The following ADCY2 variants were observed in gnomAD, a reference collection of about 807,000 sequenced individuals.
ADCY2 encodes adenylate cyclase type 2.
Under a neutral mutation model 125.2 loss-of-function variants are expected in ADCY2, and 31 were observed. That is an observed-to-expected ratio of 0.25 (90% CI 0.19 to 0.33). The LOEUF is 0.33. Ranked by LOEUF, ADCY2 falls within the 10% of genes least tolerant of loss-of-function variation. The pLI, the probability that ADCY2 is intolerant of heterozygous loss-of-function variation, is 1.00. For missense variants in ADCY2, 904 were observed against 1,418.2 expected, an observed-to-expected ratio of 0.64 and a Z score of 5.82; for synonymous variants, 512 against 548.4, an observed-to-expected ratio of 0.93 and a Z score of 0.93.
At chr5:7,441,481 T>C (rs1741012839) in intron 2 of ADCY2, among the ~76,000 whole-genome samples, 1 of 151,984 alleles carries the variant, frequency 6.6e-6, no homozygotes, top group Admixed American at 6.6e-5. Context: ...TTTCTTGACT[T>C]GATGACTAGG....
At position 7,706,830 on chromosome 5, in the gene ADCY2, A is replaced by G; in HGVS notation, c.1196A>G (p.Gln399Arg). Reference sequence around the variant, plus strand: ...GTCCTGTGTGGCGTGATTGGTCTGCAGAAGTGGCAATATGATGTGTGGTCA... The same window carrying G: ...GTCCTGTGTGGCGTGATTGGTCTGCGGAAGTGGCAATATGATGTGTGGTCA... ...GNVLCGVIGL[Q>R]KWQYDVWSHD... The change falls in exon 8 of 25, where the codon CAG (glutamine) becomes CGG (arginine). Residue 399 changes from glutamine (Q) to arginine (R), a missense_variant. By Grantham distance (43) the Gln-to-Arg change is conservative. Coordinates refer to ENST00000338316, the MANE Select transcript of ADCY2 (RefSeq NM_020546.3). 1 of 1,614,256 alleles carries G rather than the reference A, an allele frequency of 6.2e-7. No individual in the cohort carries two copies. Among genetic ancestry groups the G allele is most frequent in the East Asian group, 2.2e-5 (1 of 44,886 alleles).
chr5:7,448,499 T>G (rs1169797715), intron 2 of ADCY2, among the ~76,000 whole-genome samples: 1 of 152,112 alleles, frequency 6.6e-6, no homozygotes, highest in Admixed American at 6.5e-5. Context: ...ACTTTTAAGT[T>G]CTGGGGTACA....
chr5:7,566,309 G>C (rs1579579802), intron 3 of ADCY2, among the ~76,000 whole-genome samples: 2 of 152,222 alleles, frequency 1.3e-5, no homozygotes, highest in East Asian at 3.9e-4. Flanking sequence ...AACATGATGA[G>C]ATCTTGTCTC....
chr5:7,711,115 C>T (rs376966419), intron 10 of ADCY2, among the ~76,000 whole-genome samples: 3 of 152,148 alleles, frequency 2.0e-5, no homozygotes, highest in East Asian at 1.9e-4. Context: ...CTAGAACTCA[C>T]GGGACAGGTC....
intron 4 of ADCY2, among the ~76,000 whole-genome samples, chr5:7,666,092 C>A (rs1377008415): frequency 1.3e-5 from 2 of 151,484 alleles, no homozygotes; most frequent in African/African-American, 4.9e-5. Context: ...CCCGCCTTGG[C>A]CTCCCAAAGT....
chr5:7,764,046 A>G (rs1192963727), intron 16 of ADCY2, among the ~76,000 whole-genome samples: 4 of 152,222 alleles, frequency 2.6e-5, no homozygotes, highest in Non-Finnish European at 5.9e-5. Context: ...GTGTGTTCAG[A>G]GAACTGGCTT....
rs1483718696 is a variant in ADCY2, at chr5:7,773,021, G to A, written c.2304G>A (p.Val768=). The A allele has an allele frequency of 1.9e-6, 3 of 1,614,122 alleles. No homozygotes were observed. In the Admixed American group the frequency reaches 5.0e-5, roughly 27 times the overall value. ...NYELKMLIMM[V]ALVGYNTILL... ...AGCTGAAGATGTTGATCATGATGGT[G>A]GCCTTGGTGGGCTACAACACCATCC... Residue 768 remains valine, a synonymous_variant, in exon 18 of 25, where the codon GTG becomes GTA. Transcript: ENST00000338316.
At chr5:7,707,946 T>A in intron 9 of ADCY2, 108 bp downstream of exon 9, 6 of 1,247,916 alleles carry the variant, frequency 4.8e-6, no homozygotes, top group Non-Finnish European at 6.6e-6. Context: ...CTACTCTTTG[T>A]CCCCAAAATA....
intron 15 of ADCY2, among the ~76,000 whole-genome samples, chr5:7,750,222 T>C (rs534483306): frequency 3.3e-5 from 5 of 152,292 alleles, no homozygotes; most frequent in African/African-American, 9.6e-5. Flanking sequence ...TGGAGTTTAT[T>C]CTCTTTTATT....
At position 7,762,443 on chromosome 5, in the gene ADCY2, G is replaced by A. The variant is rs1445313189; in HGVS notation, c.2095-4244G>A. Among the ~76,000 whole-genome samples, 4 of 152,210 alleles carry A rather than the reference G, an allele frequency of 2.6e-5. No homozygotes were observed. The South Asian group carries it at 8.3e-4, about 32-fold the overall frequency. On this transcript the variant is annotated intron_variant, in intron 16 of 24. Coordinates refer to ENST00000338316, the MANE Select transcript of ADCY2 (RefSeq NM_020546.3). The stretch of plus-strand genomic sequence containing the variant: ...ACTGTGTGAGGCAGAGGCAGTGCCC[G>A]GGGCCACACACAGGTGGTGCTGATG...
intron 2 of ADCY2, among the ~76,000 whole-genome samples, chr5:7,469,671 T>G (rs1327842996): frequency 6.6e-6 from 1 of 151,846 alleles, no homozygotes; most frequent in African/African-American, 2.4e-5. Context: ...TTTCTTATTA[T>G]TCTATGGTTT....
chr5:7,645,334 G>A (rs1183273833), intron 4 of ADCY2, among the ~76,000 whole-genome samples: 1 of 152,148 alleles, frequency 6.6e-6, no homozygotes, highest in East Asian at 1.9e-4. Flanking sequence ...TCACTGGAAA[G>A]TTTCAAAAAG....
At chr5:7,637,621 C>A (rs1207490717) in intron 4 of ADCY2, among the ~76,000 whole-genome samples, 1 of 151,734 alleles carries the variant, frequency 6.6e-6, no homozygotes, top group Non-Finnish European at 1.5e-5. Flanking sequence ...AGGCAAATAA[C>A]CTGGAAAGCA....
chr5:7,710,239 G>T (rs767351784), intron 10 of ADCY2, among the ~76,000 whole-genome samples: 4 of 152,082 alleles, frequency 2.6e-5, no homozygotes, highest in Non-Finnish European at 5.9e-5. Flanking sequence ...TTATGTTTTG[G>T]CTTATTTATA....
intron 12 of ADCY2, among the ~76,000 whole-genome samples, chr5:7,718,757 A>G (rs1207291537): frequency 2.0e-5 from 3 of 152,184 alleles, no homozygotes; most frequent in Non-Finnish European, 4.4e-5. Context: ...CACTAGGGTC[A>G]GTGTGAAAAA....
rs370827099 is a variant in ADCY2 at position 7,542,358 on chromosome 5, AC to A, written c.570+21460del. ...TTACAAGAAAGACAGGTAAAATATT[AC>A]AGAAAAAAAAAAATGGATCTCTTCG... On this transcript the variant is annotated intron_variant, in intron 3 of 24. Coordinates refer to ENST00000338316, the MANE Select transcript of ADCY2 (RefSeq NM_020546.3). Among the ~76,000 whole-genome samples, 841 of 144,954 alleles carry A rather than the reference AC, an allele frequency of 5.8e-3. 4 individuals are homozygous for A. Among genetic ancestry groups the A allele is most frequent in the African/African-American group, 0.022 (789 of 36,454 alleles).
intron 2 of ADCY2, among the ~76,000 whole-genome samples, chr5:7,492,233 G>A (rs938125509): frequency 3.3e-5 from 5 of 152,220 alleles, no homozygotes; most frequent in African/African-American, 4.8e-5. Flanking sequence ...AGGACAGGGC[G>A]TATGTTGGTC....
chr5:7,458,232 G>T (rs1741779566), intron 2 of ADCY2, among the ~76,000 whole-genome samples: 1 of 152,054 alleles, frequency 6.6e-6, no homozygotes, highest in Admixed American at 6.5e-5. Context: ...CTTAATTAAT[G>T]AACTTTGGAC....
chr5:7,653,468 C>A (rs547599132), intron 4 of ADCY2, among the ~76,000 whole-genome samples: 1 of 152,098 alleles, frequency 6.6e-6, no homozygotes, highest in East Asian at 1.9e-4. Flanking sequence ...ATTAGCCAGG[C>A]GTGGTGGCGG....
Sources: allele counts gnomAD v4.1 joint callset (sites outside exome capture counted in the v4.1 genomes callset), GRCh38; gene constraint gnomAD v4.1.1; transcripts MANE v1.5; gene names NCBI Gene and HGNC (gene_info 2026-07-23, HGNC 2026-07-21).